The following NDUFS4 variants were observed in gnomAD, a reference collection of about 807,000 sequenced individuals.
NDUFS4 encodes NADH dehydrogenase [ubiquinone] iron-sulfur protein 4, mitochondrial.
In NDUFS4, 28 loss-of-function variants were observed where a neutral mutation model predicts 24.3. The observed-to-expected ratio is 1.15, with a 90% CI of 0.85 to 1.58. The LOEUF (loss-of-function observed/expected upper bound fraction) is 1.58, where lower values mean the gene tolerates loss of function less well. NDUFS4 is among the 40% of genes most tolerant of loss of function. The pLI is 0.00. For missense variants in NDUFS4, 223 were observed against 207.9 expected (o/e 1.07, Z -0.45); for synonymous variants, 93 against 69.7 (o/e 1.34, Z -1.67).
chr5:53,563,732 C>T (rs937659324), intron 1 of NDUFS4, among the ~76,000 whole-genome samples: 7 of 152,222 alleles, frequency 4.6e-5, no homozygotes, highest in Non-Finnish European at 5.9e-5. Flanking sequence ...AAACTCCTAC[C>T]CACAGGTGAT....
chr5:53,650,937 T>A (rs1164459563), intron 3 of NDUFS4, among the ~76,000 whole-genome samples: 1 of 152,226 alleles, frequency 6.6e-6, no homozygotes, highest in Non-Finnish European at 1.5e-5. Flanking sequence ...AACTGTAACC[T>A]ATTGTGCATA....
In NDUFS4 at chr5:53,600,933, T is replaced by C. The variant is rs572377546; in HGVS notation, c.99-2519T>C. On this transcript the variant is annotated intron_variant, in intron 1 of 4. Coordinates refer to ENST00000296684, the MANE Select transcript of NDUFS4 (RefSeq NM_002495.4). ...AGGATTGTTTTACTTAACATTTTTG[T>C]CCTTTTTATTGTATTATCTTTTACA... 3.9e-5 allele frequency among the ~76,000 whole-genome samples: 6 copies of C among 152,192 alleles called. No homozygotes were observed. The South Asian group carries it at 8.3e-4, about 21-fold the overall frequency.
intron 4 of NDUFS4, among the ~76,000 whole-genome samples, chr5:53,663,263 T>C (rs1351979508): frequency 6.6e-6 from 1 of 152,228 alleles, no homozygotes; most frequent in East Asian, 1.9e-4. Flanking sequence ...GTGTGGTCAA[T>C]TTTGGAACAG....
At chr5:53,618,939 C>T (rs1750939877) in intron 2 of NDUFS4, among the ~76,000 whole-genome samples, 1 of 150,852 alleles carries the variant, frequency 6.6e-6, no homozygotes, top group Non-Finnish European at 1.5e-5. Flanking sequence ...CATGGTGAAA[C>T]CCCGTCCCTA....
At position 53,596,656 on chromosome 5, in the gene NDUFS4, T is replaced by C. The variant is rs541091163; in HGVS notation, c.99-6796T>C. 3.3e-5 allele frequency among the ~76,000 whole-genome samples: 5 copies of C among 152,298 alleles called. No homozygotes were observed. In the South Asian group the frequency reaches 1.0e-3, roughly 32 times the overall value. ...CATTTCAGGTGTGAGGAAATTACTG[T>C]GGCATGGAGAATATGTATATATTTT... On this transcript the variant is annotated intron_variant, in intron 1 of 4. Coordinates refer to ENST00000296684, the MANE Select transcript of NDUFS4 (RefSeq NM_002495.4).
chr5:53,653,299 C>T (rs1285651115), intron 3 of NDUFS4, among the ~76,000 whole-genome samples: 2 of 152,198 alleles, frequency 1.3e-5, no homozygotes, highest in South Asian at 4.1e-4. Context: ...TCTCTCATCA[C>T]TTGATCCTCA....
At chr5:53,594,898 G>A (rs1018283260) in intron 1 of NDUFS4, among the ~76,000 whole-genome samples, 18 of 149,418 alleles carry the variant, frequency 1.2e-4, no homozygotes, top group Admixed American at 2.7e-4. Flanking sequence ...GTGTGTGTGT[G>A]TATATGCGTT....
At chr5:53,623,130 T>C (rs1751103567) in intron 2 of NDUFS4, among the ~76,000 whole-genome samples, 1 of 152,216 alleles carries the variant, frequency 6.6e-6, no homozygotes. Flanking sequence ...TTTAGGAAGA[T>C]GCCCCAAAGT....
intron 4 of NDUFS4, among the ~76,000 whole-genome samples, chr5:53,673,076 G>A (rs1304351776): frequency 6.6e-6 from 1 of 152,090 alleles, no homozygotes; most frequent in East Asian, 1.9e-4. Context: ...AAGGACTCAG[G>A]TAAATAGAAC....
chr5:53,564,693 C>T (rs1339353247), intron 1 of NDUFS4, among the ~76,000 whole-genome samples: 1 of 152,112 alleles, frequency 6.6e-6, no homozygotes, highest in African/African-American at 2.4e-5. Context: ...GTGTGCTTGC[C>T]ACCACGCCCA....
intron 1 of NDUFS4, among the ~76,000 whole-genome samples, chr5:53,576,286 A>G (rs548196733): frequency 1.1e-4 from 16 of 151,740 alleles, no homozygotes; most frequent in African/African-American, 3.9e-4. Flanking sequence ...AGTTACAGAA[A>G]CCTAAAATCT....
chr5:53,674,792 TAAAC>T (rs1408477591), intron 4 of NDUFS4, among the ~76,000 whole-genome samples: 1 of 152,180 alleles, frequency 6.6e-6, no homozygotes, highest in Non-Finnish European at 1.5e-5. Flanking sequence ...GACTAAACAT[TAAAC>T]AAGTAATTTT....
At chr5:53,615,327 G>C (rs571024348) in intron 2 of NDUFS4, among the ~76,000 whole-genome samples, 156 of 152,094 alleles carry the variant, frequency 1.0e-3, no homozygotes, top group African/African-American at 3.6e-3. Flanking sequence ...AGAAATAGAA[G>C]TAGTATCTTT....
At chr5:53,669,306 A>C (rs4147737) in intron 4 of NDUFS4, among the ~76,000 whole-genome samples, 14,650 of 152,242 alleles carry the variant, frequency 0.096, 1,020 homozygotes, top group Admixed American at 0.2. Context: ...GCACAAACTT[A>C]CTACCAAAGC....
chr5:53,569,853 A>AT (rs1749153585), intron 1 of NDUFS4, among the ~76,000 whole-genome samples: 1 of 152,018 alleles, frequency 6.6e-6, no homozygotes, highest in African/African-American at 2.4e-5. Context: ...GATGTTTTCC[A>AT]TTTTGTCAGT....
intron 1 of NDUFS4, among the ~76,000 whole-genome samples, chr5:53,571,864 T>A (rs1162357286): frequency 6.6e-6 from 1 of 152,234 alleles, no homozygotes; most frequent in African/African-American, 2.4e-5. Flanking sequence ...TTTTGCCCAT[T>A]TTTAATCATG....
chr5:53,583,655 A>G (rs571653490), intron 1 of NDUFS4, among the ~76,000 whole-genome samples: 12 of 152,362 alleles, frequency 7.9e-5, no homozygotes, highest in African/African-American at 2.6e-4. Flanking sequence ...AATAAAAGCA[A>G]CTCAAAAATA....
At chr5:53,604,168 C>T (rs954484545) in intron 2 of NDUFS4, among the ~76,000 whole-genome samples, 1 of 152,178 alleles carries the variant, frequency 6.6e-6, no homozygotes, top group Non-Finnish European at 1.5e-5. Context: ...CAATAGCATA[C>T]ATTTTGTAAT....
At chr5:53,580,755 C>CTCTT (rs367705715) in intron 1 of NDUFS4, among the ~76,000 whole-genome samples, 1,362 of 133,486 alleles carry the variant, frequency 0.01, 6 homozygotes, top group Non-Finnish European at 0.015. Flanking sequence ...TCCTTCCTTT[C>CTCTT]TCTTTCTTTC....
Sources: allele counts gnomAD v4.1 joint callset (sites outside exome capture counted in the v4.1 genomes callset), GRCh38; gene constraint gnomAD v4.1.1; transcripts MANE v1.5; gene names NCBI Gene and HGNC (gene_info 2026-07-23, HGNC 2026-07-21).